Variants in CFAP298 observed in about 807,000 individuals in gnomAD.
The protein encoded by CFAP298 is cilia and flagella associated protein 298.
A neutral mutation model predicts 41.0 loss-of-function variants in CFAP298; 38 were observed. The ratio of observed to expected loss-of-function variants is 0.93; its 90% CI spans 0.72 to 1.22. CFAP298 has a LOEUF of 1.22. Among genes scored for constraint, CFAP298 ranks in the 50% most tolerant of loss-of-function variants. CFAP298 has a pLI of 0.00. For missense variants in CFAP298, 348 were observed against 360.3 expected (o/e 0.97, Z 0.28); for synonymous variants, 137 against 135.3 (o/e 1.01, Z -0.09).
chr21:32,601,910 T>G lies in CFAP298; in HGVS notation c.826A>C (p.Lys276Gln). 1.9e-6 allele frequency: 3 copies of G among 1,613,632 alleles called. No homozygotes were observed. The highest frequency in any genetic ancestry group is 2.5e-6 in the Non-Finnish European group (3 of 1,179,586). The change falls in exon 7 of 7, where the codon AAA becomes CAA. Residue 276 changes from lysine to glutamine, a missense_variant. Transcript: ENST00000290155. ...NSPWADNTAL[K>Q]RHFHGVKDIK... ...TCTTTCACTCCATGAAAATGTCTTT[T>G]CAAAGCAGTGTTATCCGCCCATGGT... is the stretch of plus-strand genomic sequence containing the variant.
At position 32,611,341 on chromosome 21, in the gene CFAP298, T is replaced by TATATATATATATA. The variant is rs1491095261; in HGVS notation, c.139+763_139+764insTATATATATATAT. On this transcript the variant is annotated intron_variant, in intron 1 of 6. Coordinates refer to ENST00000290155, the MANE Select transcript of CFAP298 (RefSeq NM_021254.4). ...ACCATATATATATATATATATATAATTTATTTATATTTATATATACATATA... is the reference window on the plus strand; with the variant it reads ...ACCATATATATATATATATATATAATATATATATATATATTATTTATATTTATATATACATATA... Among the ~76,000 whole-genome samples, 299 of 118,300 alleles carry TATATATATATATA rather than the reference T, an allele frequency of 2.5e-3. 11 individuals are homozygous for TATATATATATATA. Among genetic ancestry groups the TATATATATATATA allele is most frequent in the African/African-American group, 9.3e-3 (227 of 24,410 alleles). The allele number at this position is 118,300 out of a possible 152,430, so 77.6% of individuals were successfully genotyped here. A position where few individuals can be genotyped will look rare whatever the true frequency, so the allele number is the denominator to read the frequency against.
chr21:32,601,821 A>G lies in CFAP298; in HGVS notation c.*42T>C, dbSNP rs142090148. 1.3e-4 allele frequency: 129 copies of G among 1,012,446 alleles called. No individual in the cohort carries two copies. The African/African-American group carries it at 1.9e-3, about 15-fold the overall frequency. 62.7% of individuals were successfully genotyped at this position (1,012,446 alleles called of 1,614,324 possible). ...TTTAAATTATAATTGCCTAGGAGAA[A>G]GGTGAGCTAATCTCTTTGGAAGTGT... is the stretch of plus-strand genomic sequence containing the variant. On this transcript the variant is annotated 3_prime_UTR_variant, in exon 7 of 7. Coordinates refer to ENST00000290155, the MANE Select transcript of CFAP298 (RefSeq NM_021254.4).
chr21:32,603,154 T>C lies in CFAP298; in HGVS notation c.666+7A>G. ...ACTACTGACACATTAAAGCAAAAAG[T>C]ACTTACTTGCTGAATCTTGGCGATA... is the stretch of plus-strand genomic sequence containing the variant. On this transcript the variant is annotated splice_region_variant and intron_variant, in intron 5 of 6. Coordinates refer to ENST00000290155, the MANE Select transcript of CFAP298 (RefSeq NM_021254.4). 1 of 1,614,170 alleles carries C rather than the reference T, an allele frequency of 6.2e-7. No homozygotes were observed. The highest frequency in any genetic ancestry group is 8.5e-7 in the Non-Finnish European group (1 of 1,179,984).
At chr21:32,603,038 C>A in intron 5 of CFAP298, 123 bp downstream of exon 5, 2 of 1,328,520 alleles carry the variant, frequency 1.5e-6, no homozygotes, top group African/African-American at 2.9e-5. Context: ...TAGTTTAAAC[C>A]CGAGCCAATA....
intron 4 of CFAP298, among the ~76,000 whole-genome samples, chr21:32,603,894 C>T (rs1043544330): frequency 1.3e-5 from 2 of 152,162 alleles, no homozygotes; most frequent in Non-Finnish European, 2.9e-5. Context: ...TGATGAGCGG[C>T]CTCACAAACT....
rs1158009254 is a variant in CFAP298 at position 32,601,288 on chromosome 21, C to CT, written c.*574dup. On this transcript the variant is annotated 3_prime_UTR_variant, in exon 7 of 7. Coordinates refer to ENST00000290155, the MANE Select transcript of CFAP298 (RefSeq NM_021254.4). ...CAATCAGGAAGAAAAAAAAGTGTAG[C>CT]TTTTTTTTTTTTTTTTTTTTTTTTT... is the stretch of plus-strand genomic sequence containing the variant. Among the ~76,000 whole-genome samples, 2,782 of 92,216 alleles carry CT rather than the reference C, an allele frequency of 0.03. 64 individuals are homozygous for CT. The highest frequency in any genetic ancestry group is 0.04 in the African/African-American group (885 of 21,992). 60.5% of individuals were successfully genotyped at this position (92,216 alleles called of 152,430 possible).
chr21:32,607,593 C>T (rs75400278), intron 3 of CFAP298, 56 bp downstream of exon 3: 43 of 984,744 alleles, frequency 4.4e-5, no homozygotes, highest in Non-Finnish European at 6.2e-5. Context: ...AATTCCATCT[C>T]CAAAAAAAAA....
intron 5 of CFAP298, chr21:32,602,814 T>C (rs2038774439): frequency 1.4e-6 from 2 of 1,387,130 alleles, no homozygotes; most frequent in African/African-American, 2.9e-5. Context: ...CCCCCTCCTG[T>C]ACACAGCATC....
rs1184481658 is a variant in CFAP298, at chr21:32,604,108, A to ACT, written c.534+15_534+16dup. 6.2e-7 allele frequency: 1 copy of ACT among 1,609,670 alleles called. No homozygotes were observed. Among genetic ancestry groups the ACT allele is most frequent in the Non-Finnish European group, 8.5e-7 (1 of 1,177,148 alleles). On this transcript the variant is annotated intron_variant, in intron 4 of 6. Coordinates refer to ENST00000290155, the MANE Select transcript of CFAP298 (RefSeq NM_021254.4). ...CAGGAACTCAACCTCCAGAGTACCC[A>ACT]CTCACAAACTACGTACCTGTGTTCC...
chr21:32,607,518 A>G lies in CFAP298; in HGVS notation c.375+131T>C, dbSNP rs2038891610. Reference sequence around the variant, plus strand: ...TGAGGCAGGAGAATTGCTTGAACCCAGGAGGTGGAGGTTGTGGTGAGCCGA... The same window carrying G: ...TGAGGCAGGAGAATTGCTTGAACCCGGGAGGTGGAGGTTGTGGTGAGCCGA... On this transcript the variant is annotated intron_variant, in intron 3 of 6. Coordinates refer to ENST00000290155, the MANE Select transcript of CFAP298 (RefSeq NM_021254.4). 23 of 565,754 alleles carry G rather than the reference A, an allele frequency of 4.1e-5. No homozygotes were observed. The South Asian group carries it at 4.3e-4, about 11-fold the overall frequency. 35.0% of individuals were successfully genotyped at this position (565,754 alleles called of 1,614,324 possible).
At chr21:32,610,122 T>C (rs952973074) in intron 1 of CFAP298, 117 bp from the exon 2 acceptor site, 7 of 884,294 alleles carry the variant, frequency 7.9e-6, no homozygotes, top group South Asian at 1.7e-5. Flanking sequence ...GGAACAAACA[T>C]TTATATGCCA....
chr21:32,602,223 G>A (rs772477321), intron 6 of CFAP298, 49 bp downstream of exon 6: 1 of 1,548,788 alleles, frequency 6.5e-7, no homozygotes, highest in Non-Finnish European at 8.9e-7. Flanking sequence ...AGGCACACAG[G>A]CTATGTGTGG....
chr21:32,602,106 C>T (rs2038754756), intron 6 of CFAP298, 133 bp from the exon 7 acceptor site: 1 of 846,086 alleles, frequency 1.2e-6, no homozygotes, highest in Non-Finnish European at 1.9e-6. Context: ...CCATGTCTAA[C>T]ACCAGGGGAC....
chr21:32,611,337 A>G (rs1299313839), intron 1 of CFAP298, among the ~76,000 whole-genome samples: 1 of 135,862 alleles, frequency 7.4e-6, no homozygotes, highest in East Asian at 2.0e-4. Flanking sequence ...ATATATATAT[A>G]TAATTTATTT....
chr21:32,612,344 A>C lies in CFAP298; in HGVS notation c.-101T>G. On this transcript the variant is annotated 5_prime_UTR_variant, in exon 1 of 7. Transcript: ENST00000290155. ...GCCGGATCGCCAGCAGCTGCGACGCACTAACAGCCGCTCACAGTCCGGAAT... is the reference window on the plus strand; with the variant it reads ...GCCGGATCGCCAGCAGCTGCGACGCCCTAACAGCCGCTCACAGTCCGGAAT... The C allele has an allele frequency of 6.9e-7, 1 of 1,447,522 alleles. No homozygotes were observed. The highest frequency in any genetic ancestry group is 9.1e-7 in the Non-Finnish European group (1 of 1,101,102). The allele number at this position is 1,447,522 out of a possible 1,614,324, so 89.7% of individuals were successfully genotyped here. A position where few individuals can be genotyped will look rare whatever the true frequency, so the allele number is the denominator to read the frequency against.
chr21:32,607,591 C>CT, intron 3 of CFAP298, 58 bp downstream of exon 3: 3 of 1,039,476 alleles, frequency 2.9e-6, no homozygotes, highest in Non-Finnish European at 4.2e-6. Context: ...AAAATTCCAT[C>CT]TCCAAAAAAA....
At chr21:32,602,825 A>T in intron 5 of CFAP298, 2 of 1,398,612 alleles carry the variant, frequency 1.4e-6, no homozygotes, top group Non-Finnish European at 1.8e-6. Context: ...ACACAGCATC[A>T]GCAGTTTGAA....
chr21:32,602,568 A>G (rs563611454), intron 5 of CFAP298: 3 of 1,396,632 alleles, frequency 2.1e-6, no homozygotes, highest in East Asian at 2.7e-5. Context: ...CTGTGTGGAG[A>G]CCAGAGGCTG....
rs112563340 is a variant in CFAP298, at chr21:32,600,444, C to T, written c.*1419G>A. On this transcript the variant is annotated 3_prime_UTR_variant, in exon 7 of 7. Coordinates refer to ENST00000290155, the MANE Select transcript of CFAP298 (RefSeq NM_021254.4). ...TTCCTCTTTGCAGGATGGTGGGGAG[C>T]GCAGGCACCAAGGCAGGAAGGCCAG... 2.0e-5 allele frequency among the ~76,000 whole-genome samples: 3 copies of T among 152,280 alleles called. No individual in the cohort carries two copies. Among genetic ancestry groups the T allele is most frequent in the African/African-American group, 7.2e-5 (3 of 41,552 alleles).
Sources: gnomAD v4.1 joint callset for allele counts (sites outside exome capture counted in the v4.1 genomes callset) on GRCh38, gnomAD v4.1.1 for gene constraint, MANE v1.5 for transcripts, NCBI Gene and HGNC (gene_info 2026-07-23, HGNC 2026-07-21) for gene names.